Variants in RB1CC1 observed in about 807,000 individuals in gnomAD.
RB1CC1 encodes the protein RB1 inducible coiled-coil 1.
In RB1CC1, 46 loss-of-function variants were observed where a neutral mutation model predicts 177.5. That is an observed-to-expected ratio of 0.26 (90% CI 0.20 to 0.33). The LOEUF is 0.33. RB1CC1 is among the 10% of genes least tolerant of loss of function. RB1CC1 has a pLI of 1.00. For synonymous variants in RB1CC1, 666 were observed against 613.6 expected (o/e 1.09, Z -1.26); for missense variants, 1,703 against 1,816.3 (o/e 0.94, Z 1.13).
chr8:52,623,894 G>GATTCC, intron 23 of RB1CC1, 35 bp from the exon 24 acceptor site: 1 of 1,382,034 alleles, frequency 7.2e-7, no homozygotes, highest in Non-Finnish European at 1.0e-6. Context: ...TCACTAGAGT[G>GATTCC]ATTAAACCAC....
intron 1 of RB1CC1, among the ~76,000 whole-genome samples, chr8:52,687,582 T>C (rs940954735): frequency 5.3e-5 from 8 of 152,134 alleles, no homozygotes; most frequent in East Asian, 3.9e-4. Context: ...AGCTGCCATA[T>C]AGAGAGGCCC....
chr8:52,658,915 A>G lies in RB1CC1; in HGVS notation c.1751T>C (p.Phe584Ser). Residue 584 changes from phenylalanine to serine, a missense_variant, in exon 13 of 24, where the codon TTT becomes TCT. Phe to Ser is a radical substitution (Grantham distance 155). This residue lies in a region of RB1CC1 where 1,169 missense variants were observed against 1,184.7 expected (regional missense o/e 0.99). Coordinates refer to ENST00000025008, the MANE Select transcript of RB1CC1 (RefSeq NM_014781.5). ...TTCCGAAGGACAAAATGATTGCAGAAACTGTAAATCTTTTAATGAAATATC... is the reference window on the plus strand; with the variant it reads ...TTCCGAAGGACAAAATGATTGCAGAGACTGTAAATCTTTTAATGAAATATC... The part of the protein sequence containing the change: ...LPDISLKDLQ[F>S]LQSFCPSEVQ... 6.3e-7 allele frequency: 1 copy of G among 1,590,690 alleles called. No individual in the cohort carries two copies. Among genetic ancestry groups the G allele is most frequent in the Non-Finnish European group, 8.5e-7 (1 of 1,169,620 alleles).
chr8:52,625,627 A>G (rs1848334100), intron 22 of RB1CC1, among the ~76,000 whole-genome samples: 1 of 152,186 alleles, frequency 6.6e-6, no homozygotes, highest in Admixed American at 6.5e-5. Flanking sequence ...TCTACCATAC[A>G]CCATAGCTTA....
chr8:52,639,040 C>T (rs1243751719), intron 18 of RB1CC1, among the ~76,000 whole-genome samples: 1 of 152,056 alleles, frequency 6.6e-6, no homozygotes, highest in Admixed American at 6.6e-5. Context: ...TTTAGAAATG[C>T]TATCAATTAT....
At chr8:52,646,692 C>T (rs1850074930) in intron 15 of RB1CC1, among the ~76,000 whole-genome samples, 1 of 152,118 alleles carries the variant, frequency 6.6e-6, no homozygotes, top group South Asian at 2.1e-4. Flanking sequence ...ACTTACTAAC[C>T]TCTTAGGGGT....
rs114325160 is a variant in RB1CC1, at chr8:52,689,005, C to T, written c.-166-2038G>A. Among the ~76,000 whole-genome samples the T allele has an allele frequency of 7.6e-4, 116 of 152,266 alleles. 1 individual carries two copies. The highest frequency in any genetic ancestry group is 2.3e-3 in the African/African-American group (96 of 41,544). ...TCCAAAGTTTGGGAGGGATCTCAGC[C>T]GCCTTACCTTTGTAGTAGAGCTCAC... On this transcript the variant is annotated intron_variant, in intron 1 of 23. Coordinates refer to ENST00000025008, the MANE Select transcript of RB1CC1 (RefSeq NM_014781.5).
At chr8:52,655,054 G>A (rs963990331) in intron 15 of RB1CC1, among the ~76,000 whole-genome samples, 1 of 152,018 alleles carries the variant, frequency 6.6e-6, no homozygotes, top group African/African-American at 2.4e-5. Context: ...AGCTCTCCTG[G>A]CCTTTGGCAG....
intron 1 of RB1CC1, among the ~76,000 whole-genome samples, chr8:52,699,039 A>C (rs1434504842): frequency 6.6e-6 from 1 of 152,154 alleles, no homozygotes; most frequent in Non-Finnish European, 1.5e-5. Context: ...GGAAAGGAAA[A>C]AAATCTAACT....
intron 5 of RB1CC1, among the ~76,000 whole-genome samples, chr8:52,679,625 C>G (rs560303954): frequency 6.6e-6 from 1 of 152,172 alleles, no homozygotes; most frequent in Non-Finnish European, 1.5e-5. Context: ...CACATGTTAC[C>G]AGGACCCCCT....
intron 1 of RB1CC1, among the ~76,000 whole-genome samples, chr8:52,707,539 A>C (rs1591157243): frequency 7.1e-6 from 1 of 141,656 alleles, no homozygotes; most frequent in Non-Finnish European, 1.5e-5. Flanking sequence ...CCAACCCCTC[A>C]TTTTCCAATG....
At position 52,634,931 on chromosome 8, in the gene RB1CC1, T is replaced by C; in HGVS notation, c.4430A>G (p.Asn1477Ser). Residue 1477 changes from asparagine to serine, a missense_variant, in exon 20 of 24, where the codon AAT (asparagine) becomes AGT (serine). Asn to Ser is a conservative substitution (Grantham distance 46, BLOSUM62 1). Transcript: ENST00000025008. ...GAAGAAAAATCTTACCAGTCTTTGA[T>C]TTAACCGTTTATTTTCTTCTTCTTT... ...QLKEEENKRL[N>S]QRLMSQSMSS... The C allele has an allele frequency of 6.2e-7, 1 of 1,607,134 alleles. No homozygotes were observed. The highest frequency in any genetic ancestry group is 8.5e-7 in the Non-Finnish European group (1 of 1,176,342).
intron 5 of RB1CC1, among the ~76,000 whole-genome samples, chr8:52,682,969 A>G (rs1395047076): frequency 6.6e-6 from 1 of 152,184 alleles, no homozygotes; most frequent in Non-Finnish European, 1.5e-5. Context: ...TACAAAAGGT[A>G]AATACTATTA....
chr8:52,683,428 A>T (rs1286732328), intron 5 of RB1CC1, 121 bp downstream of exon 5: 1 of 904,956 alleles, frequency 1.1e-6, no homozygotes, highest in Admixed American at 3.7e-5. Context: ...TTAACCGGAA[A>T]ATATTTTTAA....
chr8:52,670,056 C>A (rs1852424763), intron 7 of RB1CC1, among the ~76,000 whole-genome samples: 1 of 152,344 alleles, frequency 6.6e-6, no homozygotes, highest in Non-Finnish European at 1.5e-5. Context: ...CCTACGGCCT[C>A]AGCATCCCTA....
intron 1 of RB1CC1, among the ~76,000 whole-genome samples, chr8:52,713,688 G>A (rs560838832): frequency 9.8e-5 from 15 of 152,322 alleles, no homozygotes; most frequent in Non-Finnish European, 1.6e-4. Flanking sequence ...CGTCTTGGGA[G>A]GTTCGGACGT....
chr8:52,693,481 G>C (rs562610779), intron 1 of RB1CC1, among the ~76,000 whole-genome samples: 13 of 152,098 alleles, frequency 8.5e-5, no homozygotes, highest in Middle Eastern at 3.4e-3. Context: ...CAACATCAAA[G>C]ATCATTAGAG....
intron 22 of RB1CC1, among the ~76,000 whole-genome samples, chr8:52,625,126 A>G (rs1488406378): frequency 1.3e-5 from 2 of 152,164 alleles, no homozygotes; most frequent in East Asian, 3.8e-4. Flanking sequence ...CCATCTATTG[A>G]AAGAACTAAT....
intron 18 of RB1CC1, among the ~76,000 whole-genome samples, chr8:52,639,827 A>G (rs1735935434): frequency 6.6e-6 from 1 of 152,188 alleles, no homozygotes. Flanking sequence ...TGATGACTAT[A>G]TCATCATAAA....
rs1458485194 is a variant in RB1CC1, at chr8:52,676,574, A to G, written c.370-3T>C. The G allele has an allele frequency of 6.3e-7, 1 of 1,595,656 alleles. No homozygotes were observed. The highest frequency in any genetic ancestry group is 1.4e-5 in the African/African-American group (1 of 73,914). On this transcript the variant is annotated splice_region_variant and splice_polypyrimidine_tract_variant and intron_variant, in intron 5 of 23. Coordinates refer to ENST00000025008, the MANE Select transcript of RB1CC1 (RefSeq NM_014781.5). ...TTCTTGGCAACTTCATACATTTCCT[A>G]TATTGAAAAAGAATACAAAAGAAAG...
Sources: allele counts gnomAD v4.1 joint callset (sites outside exome capture counted in the v4.1 genomes callset), GRCh38; gene constraint gnomAD v4.1.1; regional missense constraint gnomAD v4.1.1; transcripts MANE v1.5; gene names NCBI Gene and HGNC (gene_info 2026-07-23, HGNC 2026-07-21).